Variants in TMEM71 observed in about 807,000 individuals in gnomAD.
TMEM71 encodes transmembrane protein 71.
TMEM71 carries 44 observed loss-of-function variants against 38.0 expected under a neutral mutation model. That is an observed-to-expected ratio of 1.16 (90% confidence interval 0.91 to 1.49). TMEM71 has a LOEUF of 1.49. Ranked by LOEUF, TMEM71 falls within the 40% of genes most tolerant of loss-of-function variation. The probability of loss-of-function intolerance (pLI) is 0.00; values close to 1 mark genes in which losing one functional copy is unlikely to be tolerated. For missense variants in TMEM71, 367 were observed against 348.6 expected (o/e 1.05, Z -0.42); for synonymous variants, 133 against 122.5 (o/e 1.09, Z -0.56).
chr8:132,710,365 T>G lies in TMEM71; in HGVS notation c.*602A>C, dbSNP rs1052451136. On this transcript the variant is annotated 3_prime_UTR_variant, in exon 10 of 10. Transcript: ENST00000677595. Reference sequence around the variant, plus strand: ...AGAACGTGGTTCAAAAGAATATAACTTTCAGAAAATGCTTCTTTCCTGTCC... The same window carrying G: ...AGAACGTGGTTCAAAAGAATATAACGTTCAGAAAATGCTTCTTTCCTGTCC... 6.5e-6 allele frequency: 1 copy of G among 153,030 alleles called. No homozygotes were observed. Among genetic ancestry groups the G allele is most frequent in the African/African-American group, 2.4e-5 (1 of 41,502 alleles). 9.5% of individuals were successfully genotyped at this position (153,030 alleles called of 1,614,324 possible). A position where few individuals can be genotyped will look rare whatever the true frequency, so the allele number is the denominator to read the frequency against.
chr8:132,721,023 C>T (rs370175595), intron 7 of TMEM71, among the ~76,000 whole-genome samples: 27 of 152,260 alleles, frequency 1.8e-4, no homozygotes, highest in South Asian at 1.5e-3. Flanking sequence ...AAGGTGCATG[C>T]GACAAAGAGT....
chr8:132,740,884 A>C (rs1320067586), intron 5 of TMEM71, among the ~76,000 whole-genome samples: 1 of 152,216 alleles, frequency 6.6e-6, no homozygotes, highest in East Asian at 1.9e-4. Context: ...CCTGAAAATT[A>C]TGCAGCCAGT....
At chr8:132,729,241 C>T (rs1410532495) in intron 5 of TMEM71, among the ~76,000 whole-genome samples, 3 of 152,158 alleles carry the variant, frequency 2.0e-5, no homozygotes, top group Non-Finnish European at 4.4e-5. Context: ...ACTCTATAAG[C>T]CAAAGCTTCC....
At chr8:132,730,679 T>C (rs1190936626) in intron 5 of TMEM71, among the ~76,000 whole-genome samples, 1 of 152,232 alleles carries the variant, frequency 6.6e-6, no homozygotes, top group Non-Finnish European at 1.5e-5. Flanking sequence ...ATACCCATAG[T>C]ATGTCCTTAT....
At position 132,751,060 on chromosome 8, in the gene TMEM71, A is replaced by G. The variant is rs1010679014; in HGVS notation, c.314+725T>C. ...ACACATCCAACTACCCATCCTTTCCATAGCAGTCACTATTATCTTTCTAAG... is the reference window on the plus strand; with the variant it reads ...ACACATCCAACTACCCATCCTTTCCGTAGCAGTCACTATTATCTTTCTAAG... On this transcript the variant is annotated intron_variant, in intron 4 of 9. Coordinates refer to ENST00000677595, the MANE Select transcript of TMEM71 (RefSeq NM_001382403.1). Among the ~76,000 whole-genome samples, 11 of 152,264 alleles carry G rather than the reference A, an allele frequency of 7.2e-5. No individual in the cohort carries two copies. In the South Asian group the frequency reaches 8.3e-4, roughly 11 times the overall value.
Position 132,751,789 on chromosome 8 carries a change from C to T in TMEM71, c.310G>A (p.Val104Ile). The T allele has an allele frequency of 6.2e-7, 1 of 1,613,184 alleles. No homozygotes were observed. The highest frequency in any genetic ancestry group is 1.3e-5 in the African/African-American group (1 of 75,028). Reference sequence around the variant, plus strand: ...TCTGTAATATGCTCTGCTTACCTAACTAAGTTCTCCTTATACATAACGCTG... The same window carrying T: ...TCTGTAATATGCTCTGCTTACCTAATTAAGTTCTCCTTATACATAACGCTG... ...QTSVMYKENL[V>I]RIFRKKKRIC... The change falls in exon 4 of 10, where the codon GTT becomes ATT. Residue 104 changes from valine to isoleucine, a missense_variant. Val to Ile is a conservative substitution (Grantham distance 29). Coordinates refer to ENST00000677595, the MANE Select transcript of TMEM71 (RefSeq NM_001382403.1).
intron 9 of TMEM71, among the ~76,000 whole-genome samples, chr8:132,711,829 GGGT>G (rs1052769819): frequency 1.3e-4 from 20 of 152,144 alleles, no homozygotes; most frequent in Non-Finnish European, 2.8e-4. Context: ...AGTGCAGGAT[GGGT>G]GTGTGTGTTG....
At chr8:132,721,994 T>C in intron 7 of TMEM71, 46 bp downstream of exon 7, 1 of 1,482,968 alleles carries the variant, frequency 6.7e-7, no homozygotes, top group Non-Finnish European at 9.4e-7. Flanking sequence ...AGCTATAGTT[T>C]CACTAATTAT....
In TMEM71 at chr8:132,714,203, T is replaced by C. The variant is rs1259442980; in HGVS notation, c.765A>G (p.Gly255=). 1 of 1,611,584 alleles carries C rather than the reference T, an allele frequency of 6.2e-7. No homozygotes were observed. The highest frequency in any genetic ancestry group is 1.7e-5 in the Admixed American group (1 of 59,992). ...IISACARWFM[G]EILASVFTCS... ...ATGTGAAGACACTGGCTAATATTTC[T>C]CCCATAAACCATCTGAAACAACAAG... Residue 255 remains glycine (G), a synonymous_variant, in exon 8 of 10, where the codon GGA becomes GGG. Transcript: ENST00000677595.
At chr8:132,734,265 A>G (rs147313290) in intron 5 of TMEM71, among the ~76,000 whole-genome samples, 37 of 152,270 alleles carry the variant, frequency 2.4e-4, no homozygotes, top group African/African-American at 8.7e-4. Context: ...TGGAATTCAC[A>G]GGTGTCTGCA....
the TMEM71 span, among the ~76,000 whole-genome samples, chr8:132,766,801 AT>A: frequency 6.5e-3 from 826 of 126,854 alleles, 13 homozygotes; most frequent in African/African-American, 0.022. Flanking sequence ...AAAAATAAAA[AT>A]AAAAAAGATG....
chr8:132,728,057 C>G, intron 5 of TMEM71, 71 bp from the exon 6 acceptor site: 5 of 1,140,448 alleles, frequency 4.4e-6, no homozygotes, highest in South Asian at 1.5e-5. Flanking sequence ...TGTTCAGTGA[C>G]TGCTCAATGC....
Position 132,726,851 on chromosome 8 carries a change from C to CTTTTT in TMEM71, c.676+946_676+947insAAAAA, listed in dbSNP as rs766951516. On this transcript the variant is annotated intron_variant, in intron 6 of 9. Coordinates refer to ENST00000677595, the MANE Select transcript of TMEM71 (RefSeq NM_001382403.1). ...CTTTTTGTTGTTTCCTCTTCTTCTT[C>CTTTTT]TTCTTTTTTTTTTTTTTGGAGTCTT... Among the ~76,000 whole-genome samples, 71 of 147,990 alleles carry CTTTTT rather than the reference C, an allele frequency of 4.8e-4. 1 individual carries two copies. Among genetic ancestry groups the CTTTTT allele is most frequent in the African/African-American group, 1.8e-3 (70 of 39,330 alleles).
chr8:132,719,226 A>G (rs992782072), intron 7 of TMEM71, among the ~76,000 whole-genome samples: 2 of 152,168 alleles, frequency 1.3e-5, no homozygotes, highest in African/African-American at 4.8e-5. Context: ...ATCTATAATA[A>G]TTGATTTGTC....
At chr8:132,775,958 A>C in the TMEM71 span, among the ~76,000 whole-genome samples, 39 of 152,022 alleles carry the variant, frequency 2.6e-4, no homozygotes, top group Non-Finnish European at 4.7e-4. Context: ...CCTGGCGGTC[A>C]TTCTCTGACC....
In TMEM71 at chr8:132,722,031, G is replaced by A. The variant is rs779016554; in HGVS notation, c.752+9C>T. On this transcript the variant is annotated intron_variant, in intron 7 of 9. Coordinates refer to ENST00000677595, the MANE Select transcript of TMEM71 (RefSeq NM_001382403.1). ...AAATACCGCTGCATGAAAATAAAAC[G>A]TGAATTACCTTGCACATGCAGAAAT... 6.2e-6 allele frequency: 10 copies of A among 1,610,814 alleles called. No individual in the cohort carries two copies. Among genetic ancestry groups the A allele is most frequent in the East Asian group, 4.5e-5 (2 of 44,866 alleles).
In TMEM71 at chr8:132,742,829, T is replaced by G. The variant is rs546240809; in HGVS notation, c.487+4113A>C. Among the ~76,000 whole-genome samples the G allele has an allele frequency of 3.3e-5, 5 of 152,312 alleles. No individual in the cohort carries two copies. In the East Asian group the frequency reaches 9.6e-4, roughly 29 times the overall value. The stretch of plus-strand genomic sequence containing the variant: ...CTGCTGATAAAGACATACCCAAGAC[T>G]GGGCAATTTACGAAAGAAAGAGGTT... On this transcript the variant is annotated intron_variant, in intron 5 of 9. Coordinates refer to ENST00000677595, the MANE Select transcript of TMEM71 (RefSeq NM_001382403.1).
downstream of TMEM71, among the ~76,000 whole-genome samples, chr8:132,708,679 T>C (rs1272616834): frequency 6.6e-6 from 1 of 152,210 alleles, no homozygotes; most frequent in African/African-American, 2.4e-5. Context: ...GATTACCTTA[T>C]GTGGCAAAAG....
At chr8:132,730,618 A>G (rs1482006545) in intron 5 of TMEM71, among the ~76,000 whole-genome samples, 1 of 152,150 alleles carries the variant, frequency 6.6e-6, no homozygotes, top group East Asian at 1.9e-4. Context: ...ACCTTGGGGA[A>G]ACTCTGAAGA....
Sources: allele counts gnomAD v4.1 joint callset (sites outside exome capture counted in the v4.1 genomes callset), GRCh38; gene constraint gnomAD v4.1.1; transcripts MANE v1.5; gene names NCBI Gene and HGNC (gene_info 2026-07-23, HGNC 2026-07-21).